MYCBP: variants seen among roughly 807,000 people sequenced by gnomAD.
The protein encoded by MYCBP is C-Myc-binding protein.
In MYCBP, 5 loss-of-function variants were observed where a neutral mutation model predicts 16.8. The observed-to-expected ratio is 0.30, with a 90% CI of 0.16 to 0.63. The LOEUF (loss-of-function observed/expected upper bound fraction) is 0.63, where lower values mean the gene tolerates loss of function less well. Among genes scored for constraint, MYCBP ranks in the 20% least tolerant of loss-of-function variants. The pLI is 0.83. For synonymous variants in MYCBP, 35 were observed against 43.7 expected (o/e 0.80, Z 0.79); for missense variants, 103 against 121.8 (o/e 0.85, Z 0.73).
chr1:38,873,324 G>GC lies in MYCBP; in HGVS notation c.-20_-19insG. The GC allele has an allele frequency of 6.2e-7, 1 of 1,600,004 alleles. No individual in the cohort carries two copies. The highest frequency in any genetic ancestry group is 8.5e-7 in the Non-Finnish European group (1 of 1,178,228). Reference sequence around the variant, plus strand: ...GGGCCATAGTGACAGCGGCAGCGGCGTAGCTGGCGCCGGAGACCGCGACTG... The same window carrying GC: ...GGGCCATAGTGACAGCGGCAGCGGCGCTAGCTGGCGCCGGAGACCGCGACTG... On this transcript the variant is annotated 5_prime_UTR_variant, in exon 1 of 5. Coordinates refer to ENST00000397572, the MANE Select transcript of MYCBP (RefSeq NM_012333.5).
intron 3 of MYCBP, 51 bp downstream of exon 3, chr1:38,867,511 T>TA (rs754215464): frequency 7.0e-7 from 1 of 1,424,946 alleles, no homozygotes; most frequent in Non-Finnish European, 9.8e-7. Context: ...ATTATCTATC[T>TA]AAAAAAATAA....
At chr1:38,871,014 C>T (rs938455843) in intron 2 of MYCBP, among the ~76,000 whole-genome samples, 11 of 151,894 alleles carry the variant, frequency 7.2e-5, no homozygotes, top group Non-Finnish European at 1.6e-4. Context: ...CTGAGGTGAG[C>T]GGATCACCTG....
Position 38,863,946 on chromosome 1 carries a change from G to A in MYCBP, c.*724C>T, listed in dbSNP as rs1217564827. 6.6e-6 allele frequency: 1 copy of A among 152,558 alleles called. No homozygotes were observed. Among genetic ancestry groups the A allele is most frequent in the Non-Finnish European group, 1.5e-5 (1 of 68,206 alleles). 9.5% of individuals were successfully genotyped at this position (152,558 alleles called of 1,614,324 possible). A position where few individuals can be genotyped will look rare whatever the true frequency, so the allele number is the denominator to read the frequency against. On this transcript the variant is annotated 3_prime_UTR_variant, in exon 5 of 5. Transcript: ENST00000397572. ...AAATAAGGCAGGCAGGGGGTACAGT[G>A]TGATCCTGTTTAAAGTTACATAAAT...
At chr1:38,868,623 T>A (rs1418200477) in intron 2 of MYCBP, among the ~76,000 whole-genome samples, 1 of 152,148 alleles carries the variant, frequency 6.6e-6, no homozygotes, top group Non-Finnish European at 1.5e-5. Context: ...AAAAAAAATG[T>A]GGCTGGGCGC....
chr1:38,866,890 A>G lies in MYCBP; in HGVS notation c.257T>C (p.Leu86Pro). The G allele has an allele frequency of 6.5e-7, 1 of 1,547,842 alleles. No individual in the cohort carries two copies. Among genetic ancestry groups the G allele is most frequent in the Non-Finnish European group, 8.7e-7 (1 of 1,145,740 alleles). ...YEAIVEENKK[L>P]KAKLAQYEPP... ...TTTTTAAAAATTTACCTTTGCTTTC[A>G]GTTTTTTATTTTCTTCTACAATAGC... The change falls in exon 4 of 5, where the codon CTG (leucine) becomes CCG (proline). Residue 86 changes from leucine (L) to proline (P), a missense_variant. Coordinates refer to ENST00000397572, the MANE Select transcript of MYCBP (RefSeq NM_012333.5).
intron 4 of MYCBP, among the ~76,000 whole-genome samples, chr1:38,866,667 G>A (rs767937904): frequency 2.7e-5 from 4 of 150,566 alleles, no homozygotes; most frequent in Non-Finnish European, 4.4e-5. Context: ...TACCCACCTC[G>A]GCCTCCCAAA....
intron 2 of MYCBP, among the ~76,000 whole-genome samples, chr1:38,871,516 A>C (rs1642467180): frequency 6.9e-6 from 1 of 144,880 alleles, no homozygotes; most frequent in Non-Finnish European, 1.5e-5. Flanking sequence ...TCCTGGGCTC[A>C]GGTGATTCTC....
intron 2 of MYCBP, among the ~76,000 whole-genome samples, chr1:38,871,640 T>C (rs1642470588): frequency 2.4e-5 from 1 of 42,046 alleles, no homozygotes; most frequent in Non-Finnish European, 1.3e-4. Flanking sequence ...CTTGAGCTCC[T>C]GGCCTCTAGC....
At chr1:38,867,517 A>C in intron 3 of MYCBP, 45 bp downstream of exon 3, 2 of 1,506,366 alleles carry the variant, frequency 1.3e-6, no homozygotes, top group Non-Finnish European at 1.8e-6. Context: ...TATCTAAAAA[A>C]ATAAGAGTTT....
At chr1:38,868,070 G>A (rs1269033688) in intron 2 of MYCBP, among the ~76,000 whole-genome samples, 3 of 152,238 alleles carry the variant, frequency 2.0e-5, no homozygotes. Context: ...AGATTAGGGA[G>A]AGTCATGCAA....
intron 2 of MYCBP, among the ~76,000 whole-genome samples, chr1:38,869,557 C>T (rs1380391077): frequency 6.6e-6 from 1 of 152,210 alleles, no homozygotes; most frequent in Non-Finnish European, 1.5e-5. Flanking sequence ...ATGAAATGCA[C>T]TTCCTTGTAA....
intron 1 of MYCBP, 69 bp downstream of exon 1, chr1:38,873,222 C>T (rs534851386): frequency 1.3e-6 from 2 of 1,583,940 alleles, no homozygotes; most frequent in Admixed American, 3.5e-5. Flanking sequence ...CGCGACCCCA[C>T]TCCCACCCAG....
chr1:38,870,287 C>T (rs1038077169), intron 2 of MYCBP, among the ~76,000 whole-genome samples: 48 of 151,994 alleles, frequency 3.2e-4, no homozygotes, highest in Non-Finnish European at 6.2e-4. Flanking sequence ...ATTAAGACTG[C>T]ACTGAGACAT....
At chr1:38,873,186 G>C (rs565712875) in intron 1 of MYCBP, 96 bp from the exon 2 acceptor site, 2 of 1,558,546 alleles carry the variant, frequency 1.3e-6, no homozygotes, top group Non-Finnish European at 1.7e-6. Context: ...TCACTACCTC[G>C]GGGCCCTCCC....
In MYCBP at chr1:38,866,785, C is replaced by T. The variant is rs114016985; in HGVS notation, c.267+95G>A. 298 of 1,017,510 alleles carry T rather than the reference C, an allele frequency of 2.9e-4. No individual in the cohort carries two copies. The African/African-American group carries it at 4.3e-3, about 15-fold the overall frequency. The allele number at this position is 1,017,510 out of a possible 1,614,324, so 63.0% of individuals were successfully genotyped here. ...TAATTAATTCAAATTGATATTCACC[C>T]ACCTCCCTCCCCTCCTGTCCATTTC... On this transcript the variant is annotated intron_variant, in intron 4 of 4. Transcript: ENST00000397572.
intron 2 of MYCBP, among the ~76,000 whole-genome samples, chr1:38,868,188 C>T (rs576699883): frequency 6.6e-6 from 1 of 152,222 alleles, no homozygotes; most frequent in African/African-American, 2.4e-5. Context: ...ACAGGAAGAA[C>T]AGTTAAAAGG....
At chr1:38,867,113 A>AAT (rs1272280144) in intron 3 of MYCBP, 104 bp from the exon 4 acceptor site, 2 of 1,081,500 alleles carry the variant, frequency 1.8e-6, no homozygotes, top group Non-Finnish European at 2.7e-6. Flanking sequence ...CTTTACCACC[A>AAT]ATATCTACCC....
At chr1:38,868,962 A>G (rs1194991130) in intron 2 of MYCBP, among the ~76,000 whole-genome samples, 2 of 152,084 alleles carry the variant, frequency 1.3e-5, no homozygotes, top group Admixed American at 1.3e-4. Flanking sequence ...TCTAGACCCC[A>G]AGTTAAGTCC....
At chr1:38,870,011 A>C (rs1384703477) in intron 2 of MYCBP, among the ~76,000 whole-genome samples, 1 of 151,932 alleles carries the variant, frequency 6.6e-6, no homozygotes, top group African/African-American at 2.4e-5. Flanking sequence ...TACTAAAAAT[A>C]CAAAAAAAAT....
Sources: gnomAD v4.1 joint callset for allele counts (sites outside exome capture counted in the v4.1 genomes callset) on GRCh38, gnomAD v4.1.1 for gene constraint, MANE v1.5 for transcripts, NCBI Gene and HGNC (gene_info 2026-07-23, HGNC 2026-07-21) for gene names.